Variants in SUZ12 observed in about 807,000 individuals in gnomAD.
The protein encoded by SUZ12 is SUZ12 polycomb repressive complex 2 subunit, also known as polycomb protein SUZ12.
Under a neutral mutation model 87.3 loss-of-function variants are expected in SUZ12, and 17 were observed. The ratio of observed to expected loss-of-function variants is 0.19; its 90% CI spans 0.13 to 0.29. The LOEUF (loss-of-function observed/expected upper bound fraction) is 0.29, where lower values mean the gene tolerates loss of function less well. Ranked by LOEUF, SUZ12 falls within the 10% of genes least tolerant of loss-of-function variation. The probability of loss-of-function intolerance (pLI) is 1.00; values close to 1 mark genes in which losing one functional copy is unlikely to be tolerated. For missense variants in SUZ12, 526 were observed against 912.2 expected (o/e 0.58, Z 5.45); for synonymous variants, 253 against 312.4 (o/e 0.81, Z 2.01).
At chr17:31,952,055 T>C (rs1907018067) in intron 4 of SUZ12, among the ~76,000 whole-genome samples, 1 of 151,992 alleles carries the variant, frequency 6.6e-6, no homozygotes, top group African/African-American at 2.4e-5. Context: ...AATTACAGGC[T>C]GAGCCACTGC....
At chr17:31,944,138 T>G (rs930252253) in intron 3 of SUZ12, among the ~76,000 whole-genome samples, 3 of 151,942 alleles carry the variant, frequency 2.0e-5, no homozygotes, top group Admixed American at 1.3e-4. Flanking sequence ...TTATTATTAT[T>G]TTTTTTTGAG....
chr17:31,989,797 G>A (rs574545521), intron 10 of SUZ12, among the ~76,000 whole-genome samples: 1 of 139,104 alleles, frequency 7.2e-6, no homozygotes, highest in South Asian at 2.3e-4. Context: ...TTTTAGTAGA[G>A]ACGGGGTTTC....
chr17:31,958,280 C>T (rs1211509021), intron 4 of SUZ12, among the ~76,000 whole-genome samples: 16 of 152,070 alleles, frequency 1.1e-4, no homozygotes, highest in Non-Finnish European at 5.9e-5. Flanking sequence ...AAGTGATCTG[C>T]CCACTTTGTC....
chr17:31,974,690 G>T (rs1174438545), intron 6 of SUZ12, among the ~76,000 whole-genome samples: 1 of 152,132 alleles, frequency 6.6e-6, no homozygotes, highest in African/African-American at 2.4e-5. Context: ...AGTCATCTCC[G>T]GAGCGTAAGA....
intron 4 of SUZ12, among the ~76,000 whole-genome samples, chr17:31,949,761 A>G (rs1297213980): frequency 1.7e-5 from 2 of 121,184 alleles, no homozygotes; most frequent in African/African-American, 6.5e-5. Flanking sequence ...TCTTGGCTCT[A>G]CAGCCTCCAC....
chr17:31,976,395 T>C, intron 7 of SUZ12, 126 bp from the exon 8 acceptor site: 1 of 755,712 alleles, frequency 1.3e-6, no homozygotes, highest in East Asian at 2.8e-5. Flanking sequence ...CTGTATATTA[T>C]TGCAACTTTA....
In SUZ12 at chr17:31,951,537, C is replaced by T. The variant is rs1222006491; in HGVS notation, c.455+3852C>T. On this transcript the variant is annotated intron_variant, in intron 4 of 15. Coordinates refer to ENST00000322652, the MANE Select transcript of SUZ12 (RefSeq NM_015355.4). ...TCGCTCTGTCACCCAGGCTGGAGTG[C>T]AGTGGCGCCATCTCAGCTCACTGCA... 2.2e-4 allele frequency among the ~76,000 whole-genome samples: 31 copies of T among 143,036 alleles called. No homozygotes were observed. The East Asian group carries it at 6.1e-3, about 28-fold the overall frequency. 93.8% of individuals were successfully genotyped at this position (143,036 alleles called of 152,430 possible). A position where few individuals can be genotyped will look rare whatever the true frequency, so the allele number is the denominator to read the frequency against.
intron 4 of SUZ12, among the ~76,000 whole-genome samples, chr17:31,948,721 TG>T (rs1395748574): frequency 6.6e-6 from 1 of 152,202 alleles, no homozygotes; most frequent in Non-Finnish European, 1.5e-5. Flanking sequence ...CTTGTGGGGT[TG>T]AAGTATAATT....
chr17:31,971,744 T>C (rs889378008), intron 5 of SUZ12, among the ~76,000 whole-genome samples: 1 of 152,162 alleles, frequency 6.6e-6, no homozygotes. Flanking sequence ...TGCAACTGTT[T>C]TCATTTATGC....
Position 31,999,680 on chromosome 17 carries a change from G to A in SUZ12, c.*677G>A. ...TTGTTGACAGTGAAATGCTATGTTG[G>A]TTTATAAGATTACAGACCATTTGTT... is the stretch of plus-strand genomic sequence containing the variant. On this transcript the variant is annotated 3_prime_UTR_variant, in exon 16 of 16. Coordinates refer to ENST00000322652, the MANE Select transcript of SUZ12 (RefSeq NM_015355.4). 8.7e-6 allele frequency: 2 copies of A among 231,064 alleles called. No individual in the cohort carries two copies. Among genetic ancestry groups the A allele is most frequent in the Non-Finnish European group, 1.7e-5 (2 of 117,286 alleles). 14.3% of individuals were successfully genotyped at this position (231,064 alleles called of 1,614,324 possible).
At chr17:31,946,697 G>A (rs1036488915) in intron 3 of SUZ12, among the ~76,000 whole-genome samples, 8 of 152,142 alleles carry the variant, frequency 5.3e-5, no homozygotes, top group Non-Finnish European at 8.8e-5. Flanking sequence ...TGAGTATAAA[G>A]AGAAACATTT....
At position 31,976,564 on chromosome 17, in the gene SUZ12, G is replaced by A. The variant is rs1908766526; in HGVS notation, c.867G>A (p.Glu289=). The A allele has an allele frequency of 4.3e-6, 7 of 1,613,286 alleles. No homozygotes were observed. Among genetic ancestry groups the A allele is most frequent in the African/African-American group, 4.0e-5 (3 of 74,992 alleles). Residue 289 remains glutamate (E), a synonymous_variant, in exon 8 of 16, where the codon GAG becomes GAA. Transcript: ENST00000322652. The part of the protein sequence containing the change: ...ELPARRKRNR[E]DGEKTFVAQM... ...CAGCCAGAAGAAAACGAAATCGTGA[G>A]GATGGGGAAAAGACATTTGTTGCAC... is the stretch of plus-strand genomic sequence containing the variant.
chr17:31,978,740 A>G lies in SUZ12; in HGVS notation c.917+2126A>G, dbSNP rs543846491. Among the ~76,000 whole-genome samples the G allele has an allele frequency of 7.2e-5, 11 of 152,332 alleles. No homozygotes were observed. The South Asian group carries it at 2.3e-3, about 32-fold the overall frequency. Reference sequence around the variant, plus strand: ...CATATGTTTACACATTTCTTGTAAGAAAAAGATAATGCTTTTATTTTAAAG... The same window carrying G: ...CATATGTTTACACATTTCTTGTAAGGAAAAGATAATGCTTTTATTTTAAAG... On this transcript the variant is annotated intron_variant, in intron 8 of 15. Transcript: ENST00000322652.
chr17:31,991,541 C>A (rs1322452580), intron 10 of SUZ12, among the ~76,000 whole-genome samples: 1 of 137,554 alleles, frequency 7.3e-6, no homozygotes, highest in Admixed American at 6.9e-5. Flanking sequence ...AATATAAATA[C>A]CTTTTTTTCT....
intron 11 of SUZ12, 99 bp from the exon 12 acceptor site, chr17:31,993,766 C>T (rs957477182): frequency 8.7e-5 from 107 of 1,226,520 alleles, no homozygotes; most frequent in Admixed American, 2.0e-4. Context: ...TTTGATTTTC[C>T]GCTTAAATTT....
intron 10 of SUZ12, among the ~76,000 whole-genome samples, chr17:31,991,118 A>G (rs1192932781): frequency 1.3e-5 from 2 of 152,184 alleles, no homozygotes; most frequent in Non-Finnish European, 2.9e-5. Flanking sequence ...ATGTGTCTTT[A>G]TCTGCCTGTT....
intron 9 of SUZ12, among the ~76,000 whole-genome samples, chr17:31,987,334 C>T (rs76481064): frequency 3.9e-5 from 6 of 152,064 alleles, no homozygotes; most frequent in East Asian, 1.9e-4. Flanking sequence ...ATTGGAGATA[C>T]GAGTTTACAG....
Position 31,999,199 on chromosome 17 carries a change from T to C in SUZ12, c.*196T>C, listed in dbSNP as rs567169620. The stretch of plus-strand genomic sequence containing the variant: ...CAGCATTACATGTATATCACTTTTA[T>C]TGATGTCATTAAAACATTCTGTACT... On this transcript the variant is annotated 3_prime_UTR_variant, in exon 16 of 16. Coordinates refer to ENST00000322652, the MANE Select transcript of SUZ12 (RefSeq NM_015355.4). 45 of 409,102 alleles carry C rather than the reference T, an allele frequency of 1.1e-4. No individual in the cohort carries two copies. The highest frequency in any genetic ancestry group is 1.5e-4 in the East Asian group (4 of 27,354). The allele number at this position is 409,102 out of a possible 1,614,324, so 25.3% of individuals were successfully genotyped here. A position where few individuals can be genotyped will look rare whatever the true frequency, so the allele number is the denominator to read the frequency against.
rs1188899309 is a variant in SUZ12, at chr17:32,000,137, C to A, written c.*1134C>A. On this transcript the variant is annotated 3_prime_UTR_variant, in exon 16 of 16. Transcript: ENST00000322652. ...AAGCACCAATAGGTTTTTATTCCAA[C>A]TCCGAGCACTGTGGTTGAGTAACAT... 1 of 233,350 alleles carries A rather than the reference C, an allele frequency of 4.3e-6. No individual in the cohort carries two copies. Among genetic ancestry groups the A allele is most frequent in the Non-Finnish European group, 8.5e-6 (1 of 117,894 alleles). The allele number at this position is 233,350 out of a possible 1,614,324, so 14.5% of individuals were successfully genotyped here. A position where few individuals can be genotyped will look rare whatever the true frequency, so the allele number is the denominator to read the frequency against.
Sources: allele counts gnomAD v4.1 joint callset (sites outside exome capture counted in the v4.1 genomes callset), GRCh38; gene constraint gnomAD v4.1.1; transcripts MANE v1.5; gene names NCBI Gene and HGNC (gene_info 2026-07-23, HGNC 2026-07-21).